Variants in CAPN13 observed in about 807,000 individuals in gnomAD.
CAPN13 encodes calpain-13.
In CAPN13, 90 loss-of-function variants were observed where a neutral mutation model predicts 98.4. That is an observed-to-expected ratio of 0.92 (90% CI 0.77 to 1.09). The LOEUF (loss-of-function observed/expected upper bound fraction) is 1.09. Ranked by LOEUF, CAPN13 falls within the 50% of genes least tolerant of loss-of-function variation. The pLI, the probability that CAPN13 is intolerant of heterozygous loss-of-function variation, is 0.00. For missense variants in CAPN13, 887 were observed against 841.3 expected, an observed-to-expected ratio of 1.05 and a Z score of -0.67; for synonymous variants, 330 against 305.5, an observed-to-expected ratio of 1.08 and a Z score of -0.84.
At chr2:30,746,716 C>G (rs373541536) in intron 11 of CAPN13, 2 of 172,674 alleles carry the variant, frequency 1.2e-5, no homozygotes, top group East Asian at 3.5e-4. Flanking sequence ...CCTTGTGTGG[C>G]CTGCCTGTTC....
chr2:30,775,240 G>T (rs916135680), intron 4 of CAPN13, among the ~76,000 whole-genome samples: 7 of 151,958 alleles, frequency 4.6e-5, no homozygotes, highest in South Asian at 4.1e-4. Flanking sequence ...AGGGGAAAAA[G>T]ACCTCATTTA....
chr2:30,731,263 G>A (rs1050097354), intron 21 of CAPN13, 81 bp downstream of exon 21: 12 of 1,294,116 alleles, frequency 9.3e-6, no homozygotes, highest in Non-Finnish European at 1.2e-5. Flanking sequence ...AATATCCTCA[G>A]GGAGAAAAAT....
intron 8 of CAPN13, 141 bp downstream of exon 8, chr2:30,757,905 C>T (rs189029520): frequency 5.1e-4 from 308 of 605,594 alleles, no homozygotes; most frequent in Non-Finnish European, 7.1e-4. Flanking sequence ...TGAGATGGAC[C>T]GATAGCCACG....
intron 5 of CAPN13, among the ~76,000 whole-genome samples, chr2:30,765,992 C>G (rs150751194): frequency 6.6e-6 from 1 of 152,056 alleles, no homozygotes; most frequent in Non-Finnish European, 1.5e-5. Flanking sequence ...TGAGCGTGCC[C>G]GGTTGGGGCT....
At chr2:30,726,133 C>T (rs923010096) in intron 22 of CAPN13, among the ~76,000 whole-genome samples, 3 of 152,160 alleles carry the variant, frequency 2.0e-5, no homozygotes, top group African/African-American at 7.2e-5. Flanking sequence ...AAGGAAATAG[C>T]AACAAACAAG....
chr2:30,783,161 T>G lies in CAPN13; in HGVS notation c.198+3967A>C, dbSNP rs10179803. Reference sequence around the variant, plus strand: ...ATAATACTTCACTCGTGTGCATGCTTGATAAACTATCCATGAAATAAAAAT... The same window carrying G: ...ATAATACTTCACTCGTGTGCATGCTGGATAAACTATCCATGAAATAAAAAT... On this transcript the variant is annotated intron_variant, in intron 2 of 22. Transcript: ENST00000295055. Among the ~76,000 whole-genome samples, 1,134 of 152,326 alleles carry G rather than the reference T, an allele frequency of 7.4e-3. 16 individuals carry two copies. The highest frequency in any genetic ancestry group is 0.025 in the African/African-American group (1,037 of 41,556).
chr2:30,804,688 C>T (rs1675498842), intron 1 of CAPN13, among the ~76,000 whole-genome samples: 1 of 152,168 alleles, frequency 6.6e-6, no homozygotes, highest in Admixed American at 6.5e-5. Context: ...AGAAAATCAA[C>T]ACCTCCTCTT....
intron 7 of CAPN13, among the ~76,000 whole-genome samples, chr2:30,760,284 A>C (rs552167310): frequency 1.3e-5 from 2 of 152,234 alleles, no homozygotes; most frequent in South Asian, 4.2e-4. Context: ...ACGGGGTTTC[A>C]CCGTGTTAGC....
intron 11 of CAPN13, among the ~76,000 whole-genome samples, chr2:30,747,367 C>T (rs1337145730): frequency 4.6e-5 from 7 of 152,210 alleles, no homozygotes; most frequent in Non-Finnish European, 7.3e-5. Context: ...CAGGTGATGT[C>T]TTCCTTAGTT....
Position 30,738,247 on chromosome 2 carries a change from C to T in CAPN13, c.1641G>A (p.Val547=). Residue 547 remains valine (V), a synonymous_variant, in exon 17 of 23, where the codon GTG becomes GTA. Transcript: ENST00000295055. ...CCGCAAAGGATACTTCCATCAGAGC[C>T]ACCAAGCTGCGGCACTCATCTAAGG... The part of the protein sequence containing the change: ...MFSLDECRSL[V]ALMELKVNGR... The T allele has an allele frequency of 6.2e-7, 1 of 1,613,944 alleles. No homozygotes were observed. Among genetic ancestry groups the T allele is most frequent in the East Asian group, 2.2e-5 (1 of 44,876 alleles).
intron 1 of CAPN13, among the ~76,000 whole-genome samples, chr2:30,804,408 G>T (rs891130635): frequency 6.6e-6 from 1 of 152,102 alleles, no homozygotes; most frequent in East Asian, 1.9e-4. Context: ...TCACCATGTT[G>T]GCCAGACTGG....
intron 15 of CAPN13, among the ~76,000 whole-genome samples, chr2:30,741,019 C>T (rs930709022): frequency 2.0e-5 from 3 of 152,110 alleles, no homozygotes; most frequent in African/African-American, 2.4e-5. Context: ...TCCCTGCCTT[C>T]GGGAGCTTAC....
intron 1 of CAPN13, among the ~76,000 whole-genome samples, chr2:30,787,926 G>A (rs988813021): frequency 4.6e-5 from 7 of 152,130 alleles, no homozygotes; most frequent in Non-Finnish European, 1.0e-4. Flanking sequence ...GAGCAATCTG[G>A]GGACCAGAGA....
chr2:30,783,430 G>T (rs983035341), intron 2 of CAPN13, among the ~76,000 whole-genome samples: 1 of 152,124 alleles, frequency 6.6e-6, no homozygotes, highest in Non-Finnish European at 1.5e-5. Flanking sequence ...GGATGTGAAC[G>T]GGGCTTCCTT....
At chr2:30,800,140 G>GA (rs761859358) in intron 1 of CAPN13, among the ~76,000 whole-genome samples, 151 of 145,264 alleles carry the variant, frequency 1.0e-3, no homozygotes, top group African/African-American at 3.8e-3. Context: ...AAGAAAGAAA[G>GA]AAAGAAAGAA....
At chr2:30,791,356 C>A (rs79079923) in intron 1 of CAPN13, among the ~76,000 whole-genome samples, 2 of 152,132 alleles carry the variant, frequency 1.3e-5, no homozygotes, top group African/African-American at 2.4e-5. Context: ...CAGCACCTAG[C>A]GCTAGGCCTG....
At position 30,758,109 on chromosome 2, in the gene CAPN13, A is replaced by C; in HGVS notation, c.803T>G (p.Ile268Ser). The change falls in exon 8 of 23, where the codon ATT becomes AGT. Residue 268 changes from isoleucine (I) to serine (S), a missense_variant. Ile to Ser is a moderately radical substitution (Grantham distance 142). Transcript: ENST00000295055. The part of the protein sequence containing the change: ...QIQYRRGWEE[I>S]ISLWNPWGWG... The stretch of plus-strand genomic sequence containing the variant: ...GCCCCAGGGGTTCCACAGGGAGATA[A>C]TTTCTTCCCAGCCCCTTCGGTATTG... The C allele has an allele frequency of 1.2e-6, 2 of 1,608,178 alleles. No homozygotes were observed. Among genetic ancestry groups the C allele is most frequent in the Non-Finnish European group, 1.7e-6 (2 of 1,177,542 alleles).
At chr2:30,786,341 A>C (rs1674279640) in intron 2 of CAPN13, among the ~76,000 whole-genome samples, 1 of 152,176 alleles carries the variant, frequency 6.6e-6, no homozygotes, top group South Asian at 2.1e-4. Flanking sequence ...GGTTTGGGCA[A>C]AAGGGTCCTT....
intron 1 of CAPN13, among the ~76,000 whole-genome samples, 193 bp from the exon 2 acceptor site, chr2:30,787,550 A>G (rs936235386): frequency 2.0e-5 from 3 of 152,220 alleles, no homozygotes; most frequent in African/African-American, 7.2e-5. Context: ...TAACATTTCA[A>G]GCTGCTGTAC....
Sources: allele counts gnomAD v4.1 joint callset (sites outside exome capture counted in the v4.1 genomes callset), GRCh38; gene constraint gnomAD v4.1.1; transcripts MANE v1.5; gene names NCBI Gene and HGNC (gene_info 2026-07-23, HGNC 2026-07-21).